The following FMNL2 variants were observed in gnomAD, a reference collection of about 807,000 sequenced individuals.
FMNL2 encodes formin-like protein 2.
Under a neutral mutation model 130.2 loss-of-function variants are expected in FMNL2, and 51 were observed. The observed-to-expected ratio is 0.39, with a 90% CI of 0.31 to 0.49. FMNL2 has a LOEUF of 0.49. Ranked by LOEUF, FMNL2 falls within the 20% of genes least tolerant of loss-of-function variation. FMNL2 has a pLI of 0.85. For synonymous variants in FMNL2, 465 were observed against 467.1 expected, an observed-to-expected ratio of 1.00 and a Z score of 0.06; for missense variants, 977 against 1,316.2, an observed-to-expected ratio of 0.74 and a Z score of 3.99.
At chr2:152,563,868 T>C (rs1407326687) in intron 6 of FMNL2, among the ~76,000 whole-genome samples, 2 of 152,160 alleles carry the variant, frequency 1.3e-5, no homozygotes, top group African/African-American at 4.8e-5. Context: ...GCTTCTCCCC[T>C]CTTGCCTCTG....
chr2:152,457,424 A>G (rs972123942), intron 1 of FMNL2, among the ~76,000 whole-genome samples: 1 of 152,176 alleles, frequency 6.6e-6, no homozygotes, highest in Non-Finnish European at 1.5e-5. Context: ...TTTGAAGCTG[A>G]TGTTAGATGA....
intron 1 of FMNL2, among the ~76,000 whole-genome samples, chr2:152,337,689 G>A (rs1036647062): frequency 6.6e-6 from 1 of 152,118 alleles, no homozygotes; most frequent in Non-Finnish European, 1.5e-5. Context: ...TACATCCCAA[G>A]CTTCTTGGGG....
intron 1 of FMNL2, 100 bp downstream of exon 1, chr2:152,335,820 C>T: frequency 2.4e-6 from 2 of 823,256 alleles, no homozygotes; most frequent in Non-Finnish European, 3.5e-6. Context: ...CGGGAGCGAG[C>T]CTCCATTCCC....
chr2:152,474,179 A>G (rs1414964226), intron 1 of FMNL2, among the ~76,000 whole-genome samples: 2 of 152,076 alleles, frequency 1.3e-5, no homozygotes, highest in Non-Finnish European at 2.9e-5. Flanking sequence ...ACCTGGCCCA[A>G]ATTTACTTAA....
At chr2:152,583,745 C>A (rs1352013382) in intron 9 of FMNL2, among the ~76,000 whole-genome samples, 1 of 152,190 alleles carries the variant, frequency 6.6e-6, no homozygotes, top group Non-Finnish European at 1.5e-5. Context: ...TTGGCCCACA[C>A]CCTGTTTTTC....
chr2:152,394,373 C>T lies in FMNL2; in HGVS notation c.117+58653C>T, dbSNP rs148114313. Among the ~76,000 whole-genome samples, 183 of 152,098 alleles carry T rather than the reference C, an allele frequency of 1.2e-3. 2 individuals are homozygous for T. Among genetic ancestry groups the T allele is most frequent in the African/African-American group, 4.3e-3 (177 of 41,482 alleles). ...ACCAATTGTGGGTTGCTTTTGAATC[C>T]TCCTGGTTAGTACTGGGTTCACTAA... is the stretch of plus-strand genomic sequence containing the variant. On this transcript the variant is annotated intron_variant, in intron 1 of 25. Coordinates refer to ENST00000288670, the MANE Select transcript of FMNL2 (RefSeq NM_052905.4).
chr2:152,335,357 C>G lies in FMNL2; in HGVS notation c.-247C>G, dbSNP rs1407312975. 4.2e-6 allele frequency: 1 copy of G among 240,280 alleles called. No homozygotes were observed. The highest frequency in any genetic ancestry group is 2.3e-5 in the African/African-American group (1 of 43,752). 14.9% of individuals were successfully genotyped at this position (240,280 alleles called of 1,614,324 possible). A position where few individuals can be genotyped will look rare whatever the true frequency, so the allele number is the denominator to read the frequency against. Reference sequence around the variant, plus strand: ...ACATAGGCGCCCAGCGCCCCAACTACCCCTCCCGAGGAAAAGAGGCCGGGG... The same window carrying G: ...ACATAGGCGCCCAGCGCCCCAACTAGCCCTCCCGAGGAAAAGAGGCCGGGG... On this transcript the variant is annotated 5_prime_UTR_variant, in exon 1 of 26. The change creates a premature stop within an existing upstream ORF in the 5' untranslated region. Coordinates refer to ENST00000288670, the MANE Select transcript of FMNL2 (RefSeq NM_052905.4).
At chr2:152,500,578 G>C (rs1467680271) in intron 1 of FMNL2, among the ~76,000 whole-genome samples, 1 of 152,192 alleles carries the variant, frequency 6.6e-6, no homozygotes, top group Non-Finnish European at 1.5e-5. Flanking sequence ...AGCCGGGTGC[G>C]ATGGCTCACG....
intron 1 of FMNL2, among the ~76,000 whole-genome samples, chr2:152,460,646 C>T (rs1689186475): frequency 6.6e-6 from 1 of 152,202 alleles, no homozygotes; most frequent in African/African-American, 2.4e-5. Context: ...GTTTACAGTG[C>T]TCCCCATCAC....
At chr2:152,575,091 G>T in intron 6 of FMNL2, 45 bp from the exon 7 acceptor site, 1 of 1,237,814 alleles carries the variant, frequency 8.1e-7, no homozygotes, top group Non-Finnish European at 1.2e-6. Context: ...CCTATGCTAA[G>T]AAAGTAACCT....
intron 2 of FMNL2, among the ~76,000 whole-genome samples, chr2:152,528,647 T>C (rs572614879): frequency 3.7e-4 from 57 of 152,254 alleles, no homozygotes; most frequent in Non-Finnish European, 6.5e-4. Context: ...CAAACACCCT[T>C]TTTTCCACAA....
intron 2 of FMNL2, 80 bp downstream of exon 2, chr2:152,522,106 T>G: frequency 8.6e-7 from 1 of 1,162,522 alleles, no homozygotes; most frequent in Non-Finnish European, 1.2e-6. Context: ...TATGTCAATA[T>G]CATGATTGAA....
chr2:152,339,815 T>C (rs1391494286), intron 1 of FMNL2, among the ~76,000 whole-genome samples: 1 of 152,144 alleles, frequency 6.6e-6, no homozygotes, highest in Non-Finnish European at 1.5e-5. Context: ...CTACTATGAG[T>C]AGGCCTTTTA....
Position 152,640,904 on chromosome 2 carries a change from T to C in FMNL2, c.3159T>C (p.Asp1053=), listed in dbSNP as rs535339360. 4.3e-5 allele frequency: 69 copies of C among 1,613,726 alleles called. 1 individual carries two copies. The South Asian group carries it at 7.4e-4, about 17-fold the overall frequency. ...AGGGAAAAGATGGTGCCATTGAAGA[T>C]ATTATCACAGGTAAAAGATATTTCT... is the stretch of plus-strand genomic sequence containing the variant. The part of the protein sequence containing the change: ...VYEGKDGAIE[D]IITDLRNQPY... The change falls in exon 25 of 26, where the codon GAT becomes GAC. Residue 1053 remains aspartate, a synonymous_variant. Coordinates refer to ENST00000288670, the MANE Select transcript of FMNL2 (RefSeq NM_052905.4).
intron 1 of FMNL2, among the ~76,000 whole-genome samples, chr2:152,339,702 CTGAT>C: frequency 6.6e-6 from 1 of 152,264 alleles, no homozygotes; most frequent in East Asian, 1.9e-4. Flanking sequence ...GCTTTGGTAT[CTGAT>C]TAATTTGAGT....
chr2:152,612,915 T>C (rs1698761165), intron 11 of FMNL2, among the ~76,000 whole-genome samples: 2 of 152,226 alleles, frequency 1.3e-5, no homozygotes, highest in South Asian at 4.1e-4. Context: ...GTACTTCCTT[T>C]GGGCATCTCA....
chr2:152,527,197 A>T (rs1482119388), intron 2 of FMNL2, among the ~76,000 whole-genome samples: 1 of 152,188 alleles, frequency 6.6e-6, no homozygotes, highest in Non-Finnish European at 1.5e-5. Flanking sequence ...ACTTGAAGTC[A>T]TTACAGATTG....
At chr2:152,540,808 A>T (rs1361840312) in intron 2 of FMNL2, among the ~76,000 whole-genome samples, 2 of 152,044 alleles carry the variant, frequency 1.3e-5, no homozygotes, top group African/African-American at 4.8e-5. Context: ...AACCTGCACA[A>T]TGTGCACATG....
chr2:152,506,150 A>AT (rs577308338), intron 1 of FMNL2, among the ~76,000 whole-genome samples: 6 of 152,322 alleles, frequency 3.9e-5, no homozygotes, highest in Non-Finnish European at 7.3e-5. Flanking sequence ...CGTTTTTATG[A>AT]TAAAAATTTC....
Sources: gnomAD v4.1 joint callset for allele counts (sites outside exome capture counted in the v4.1 genomes callset) on GRCh38, gnomAD v4.1.1 for gene constraint, MANE v1.5 for transcripts, NCBI Gene and HGNC (gene_info 2026-07-23, HGNC 2026-07-21) for gene names.